Variants in CATSPERG observed in about 807,000 individuals in gnomAD.
The protein encoded by CATSPERG is cation channel sperm-associated auxiliary subunit gamma.
Under a neutral mutation model 145.0 loss-of-function variants are expected in CATSPERG, and 115 were observed. The ratio of observed to expected loss-of-function variants is 0.79; its 90% confidence interval spans 0.68 to 0.93. The LOEUF is 0.93. Among genes scored for constraint, CATSPERG ranks in the 40% least tolerant of loss-of-function variants. CATSPERG has a pLI of 0.00. For missense variants in CATSPERG, 1,296 were observed against 1,490.1 expected (o/e 0.87, Z 2.14); for synonymous variants, 588 against 589.0 (o/e 1.00, Z 0.02).
At chr19:38,363,682 C>T (rs1003406348) in intron 20 of CATSPERG, among the ~76,000 whole-genome samples, 15 of 151,670 alleles carry the variant, frequency 9.9e-5, no homozygotes, top group Non-Finnish European at 2.9e-5. Context: ...GAGCATGCTG[C>T]CTTCAAGCAT....
In CATSPERG at chr19:38,356,557, C is replaced by G. The variant is rs142066780; in HGVS notation, c.1195+14C>G. On this transcript the variant is annotated intron_variant, in intron 10 of 28. Coordinates refer to ENST00000409235, the MANE Select transcript of CATSPERG (RefSeq NM_021185.5). ...AGCAGATAGGAGGTACTCATTACCC[C>G]GATGGGTCTGCGGTGGGAGGCTGGG... 1.9e-6 allele frequency: 3 copies of G among 1,612,814 alleles called. No homozygotes were observed. Among genetic ancestry groups the G allele is most frequent in the Non-Finnish European group, 2.5e-6 (3 of 1,179,322 alleles).
In CATSPERG at chr19:38,361,801, G is replaced by C; in HGVS notation, c.2034G>C (p.Ser678=). 5 of 1,613,052 alleles carry C rather than the reference G, an allele frequency of 3.1e-6. No homozygotes were observed. Among genetic ancestry groups the C allele is most frequent in the Non-Finnish European group, 4.2e-6 (5 of 1,179,624 alleles). Residue 678 remains serine (S), a synonymous_variant, in exon 17 of 29, where the codon TCG becomes TCC. Coordinates refer to ENST00000409235, the MANE Select transcript of CATSPERG (RefSeq NM_021185.5). ...GCTCGGGCTTCCACAACGAGAACTC[G>C]CTCGCCATCTACCAGGGCCTGGTCT... ...LERSGFHNEN[S]LAIYQGLVYY...
At chr19:38,344,168 C>A (rs1333094459) in intron 5 of CATSPERG, 49 bp downstream of exon 5, 16 of 1,549,666 alleles carry the variant, frequency 1.0e-5, no homozygotes. Flanking sequence ...GGGAATTCCT[C>A]ACCCCAGGGT....
rs1375787630 is a variant in CATSPERG, at chr19:38,344,075, G to A, written c.552G>A (p.Val184=). The A allele has an allele frequency of 1.9e-5, 30 of 1,551,522 alleles. No homozygotes were observed. The highest frequency in any genetic ancestry group is 2.4e-5 in the Non-Finnish European group (27 of 1,146,966). The change falls in exon 5 of 29, where the codon GTG becomes GTA. Residue 184 remains valine (V), a synonymous_variant. Transcript: ENST00000409235. ...AGAAAGGCAGTGTGGTCATGCGTGT[G>A]GACATCAGCAGCAATGGCCTGGGGA... ...PIKKGSVVMR[V]DISSNGLGTF...
chr19:38,337,071 C>T, intron 1 of CATSPERG, 150 bp from the exon 2 acceptor site: 1 of 932,188 alleles, frequency 1.1e-6, no homozygotes, highest in South Asian at 1.7e-5. Context: ...AGGGGCGGGA[C>T]CAAGAGCAAG....
At position 38,354,838 on chromosome 19, in the gene CATSPERG, A is replaced by G. The variant is rs1301464977; in HGVS notation, c.1126A>G (p.Thr376Ala). 7.4e-6 allele frequency: 12 copies of G among 1,613,782 alleles called. No individual in the cohort carries two copies. The East Asian group carries it at 2.5e-4, about 33-fold the overall frequency. The change falls in exon 9 of 29, where the codon ACC (threonine) becomes GCC (alanine). Residue 376 changes from threonine (T) to alanine (A), a missense_variant. Thr to Ala is a moderately conservative substitution (Grantham distance 58, BLOSUM62 0). Transcript: ENST00000409235. Reference protein sequence around the residue: ...GKHEGYVHFGTIRDGQVSFEM... With the variant: ...GKHEGYVHFGAIRDGQVSFEM... ...GCATGAGGGTTATGTACACTTCGGG[A>G]CCATCAGAGGTAAGGGTGTGGGCCT...
chr19:38,352,364 G>C lies in CATSPERG; in HGVS notation c.929G>C (p.Arg310Pro), dbSNP rs910052120. The change falls in exon 8 of 29, where the codon CGG becomes CCG. Residue 310 changes from arginine to proline, a missense_variant. Arg to Pro is a moderately radical substitution (Grantham distance 103). Transcript: ENST00000409235. ...GCCACCGAGAGCACCCTCTTCATTC[G>C]GCAGAACCAGCTGGTCTACTATTTT... ...TIATESTLFI[R>P]QNQLVYYFTG... 4.5e-6 allele frequency: 7 copies of C among 1,551,476 alleles called. No homozygotes were observed. Among genetic ancestry groups the C allele is most frequent in the Non-Finnish European group, 6.1e-6 (7 of 1,147,076 alleles).
chr19:38,353,198 G>C (rs1468602096), intron 8 of CATSPERG, among the ~76,000 whole-genome samples: 2 of 151,768 alleles, frequency 1.3e-5, no homozygotes, highest in African/African-American at 4.8e-5. Flanking sequence ...GCCGGGCATT[G>C]TGGTGGGCAC....
At chr19:38,338,878 T>A (rs945713185) in intron 3 of CATSPERG, among the ~76,000 whole-genome samples, 3 of 151,864 alleles carry the variant, frequency 2.0e-5, no homozygotes, top group African/African-American at 7.3e-5. Context: ...TTGTTTTTAT[T>A]AATTAATTAA....
chr19:38,364,705 C>G (rs1333314957), intron 20 of CATSPERG, among the ~76,000 whole-genome samples, 186 bp from the exon 21 acceptor site: 1 of 152,234 alleles, frequency 6.6e-6, no homozygotes, highest in African/African-American at 2.4e-5. Flanking sequence ...GGATCACTCG[C>G]GGTTAGGAGC....
chr19:38,366,774 T>C (rs1568383680), intron 22 of CATSPERG: 2 of 188,942 alleles, frequency 1.1e-5, no homozygotes, highest in Non-Finnish European at 2.2e-5. Context: ...AGTCTTGGCC[T>C]CTACCTCCCT....
chr19:38,352,676 A>AG (rs1350647351), intron 8 of CATSPERG, among the ~76,000 whole-genome samples: 2 of 134,972 alleles, frequency 1.5e-5, no homozygotes, highest in Admixed American at 1.6e-4. Context: ...CTGTGAGAAG[A>AG]GGGGGTGCGA....
At chr19:38,367,839 C>A in intron 25 of CATSPERG, 63 bp downstream of exon 25, 1 of 1,478,296 alleles carries the variant, frequency 6.8e-7, no homozygotes, top group Non-Finnish European at 9.4e-7. Flanking sequence ...TTCCCACTTC[C>A]AAGCCAAGCC....
chr19:38,359,831 G>A (rs1006690226), intron 14 of CATSPERG: 18 of 1,234,730 alleles, frequency 1.5e-5, no homozygotes, highest in Non-Finnish European at 1.4e-5. Context: ...CAGTGTGGTC[G>A]TTCACTTCAT....
intron 3 of CATSPERG, among the ~76,000 whole-genome samples, chr19:38,339,639 AT>A (rs1969903854): frequency 6.6e-6 from 1 of 150,954 alleles, no homozygotes; most frequent in Admixed American, 6.6e-5. Flanking sequence ...CAGTTTATAA[AT>A]TTTTTTCTTT....
rs34101460 is a variant in CATSPERG, at chr19:38,344,856, G to GACACACACACACACACACAC, written c.669+496_669+515dup. Among the ~76,000 whole-genome samples, 119 of 92,342 alleles carry GACACACACACACACACACAC rather than the reference G, an allele frequency of 1.3e-3. 2 individuals are homozygous for GACACACACACACACACACAC. Among genetic ancestry groups the GACACACACACACACACACAC allele is most frequent in the Admixed American group, 4.8e-3 (33 of 6,866 alleles). 60.6% of individuals were successfully genotyped at this position (92,342 alleles called of 152,430 possible). A position where few individuals can be genotyped will look rare whatever the true frequency, so the allele number is the denominator to read the frequency against. On this transcript the variant is annotated intron_variant, in intron 6 of 28. Coordinates refer to ENST00000409235, the MANE Select transcript of CATSPERG (RefSeq NM_021185.5). ...ATATGTATATACCTGTACATGAACA[G>GACACACACACACACACACAC]ACACACACACACACACACACACACA... is the stretch of plus-strand genomic sequence containing the variant.
chr19:38,348,977 C>T (rs1172628299), intron 7 of CATSPERG: 1 of 152,110 alleles, frequency 6.6e-6, no homozygotes, highest in Admixed American at 6.6e-5. Flanking sequence ...TTCCATCACT[C>T]CAAAATAAAC....
At position 38,359,462 on chromosome 19, in the gene CATSPERG, C is replaced by T; in HGVS notation, c.1497-8C>T. On this transcript the variant is annotated splice_polypyrimidine_tract_variant and splice_region_variant and intron_variant, in intron 13 of 28. Coordinates refer to ENST00000409235, the MANE Select transcript of CATSPERG (RefSeq NM_021185.5). ...CATGCGCCTAGCTCTCCATCTCTGT[C>T]CCTGCAGCTCTAACAAGGAAAACTT... is the stretch of plus-strand genomic sequence containing the variant. 1 of 1,595,380 alleles carries T rather than the reference C, an allele frequency of 6.3e-7. No homozygotes were observed. Among genetic ancestry groups the T allele is most frequent in the Non-Finnish European group, 8.6e-7 (1 of 1,163,186 alleles).
chr19:38,364,640 C>T (rs969855496), intron 20 of CATSPERG, among the ~76,000 whole-genome samples: 2 of 152,266 alleles, frequency 1.3e-5, no homozygotes, highest in African/African-American at 4.8e-5. Flanking sequence ...CCATTGAGCA[C>T]TGAGTGAACC....
Sources: gnomAD v4.1 joint callset for allele counts (sites outside exome capture counted in the v4.1 genomes callset) on GRCh38, gnomAD v4.1.1 for gene constraint, MANE v1.5 for transcripts, NCBI Gene and HGNC (gene_info 2026-07-23, HGNC 2026-07-21) for gene names.